Variants in ZBTB38 observed in about 807,000 individuals in gnomAD.
ZBTB38 encodes zinc finger and BTB domain containing 38, also known as zinc finger and BTB domain-containing protein 38.
ZBTB38 carries 20 observed loss-of-function variants against 76.8 expected under a neutral mutation model. The observed-to-expected ratio is 0.26, with a 90% confidence interval of 0.18 to 0.38. The LOEUF (loss-of-function observed/expected upper bound fraction) is 0.38, where lower values mean the gene tolerates loss of function less well. ZBTB38 is among the 10% of genes least tolerant of loss of function. The probability of loss-of-function intolerance (pLI) is 1.00; values close to 1 mark genes in which losing one functional copy is unlikely to be tolerated. For synonymous variants in ZBTB38, 504 were observed against 544.2 expected (o/e 0.93, Z 1.03); for missense variants, 1,082 against 1,482.3 (o/e 0.73, Z 4.43).
chr3:141,432,342 C>A, intron 5 of ZBTB38: 1 of 920,930 alleles, frequency 1.1e-6, no homozygotes, highest in Non-Finnish European at 1.3e-6. Context: ...GAGAAAGTTG[C>A]TCTGTCGATT....
At chr3:141,343,980 G>T (rs972297208) in intron 1 of ZBTB38, among the ~76,000 whole-genome samples, 2 of 152,126 alleles carry the variant, frequency 1.3e-5, no homozygotes, top group Admixed American at 1.3e-4. Flanking sequence ...GAATTTTGAG[G>T]GACTTGCATC....
At chr3:141,395,431 G>A (rs755081014) in intron 4 of ZBTB38, among the ~76,000 whole-genome samples, 1 of 152,086 alleles carries the variant, frequency 6.6e-6, no homozygotes, top group Non-Finnish European at 1.5e-5. Flanking sequence ...ATTTTGGTTT[G>A]GTCTCTTGGG....
chr3:141,418,458 C>T (rs1483474491), intron 5 of ZBTB38, among the ~76,000 whole-genome samples: 6 of 152,222 alleles, frequency 3.9e-5, no homozygotes, highest in African/African-American at 1.4e-4. Flanking sequence ...TTTAAGGCTG[C>T]TTCCTCCAGA....
At chr3:141,336,438 A>C (rs1943018406) in intron 1 of ZBTB38, among the ~76,000 whole-genome samples, 1 of 152,176 alleles carries the variant, frequency 6.6e-6, no homozygotes, top group Non-Finnish European at 1.5e-5. Flanking sequence ...TCAGTAGTTC[A>C]AACCAAAGAC....
intron 5 of ZBTB38, among the ~76,000 whole-genome samples, chr3:141,437,361 T>C (rs1402893343): frequency 6.6e-6 from 1 of 152,210 alleles, no homozygotes; most frequent in African/African-American, 2.4e-5. Context: ...TTACTCTCTG[T>C]TGAACTCCCA....
intron 3 of ZBTB38, among the ~76,000 whole-genome samples, chr3:141,381,701 G>A (rs1340029366): frequency 6.6e-6 from 1 of 152,198 alleles, no homozygotes; most frequent in African/African-American, 2.4e-5. Context: ...AGCCCCCTTT[G>A]AGAGCCATCT....
chr3:141,411,368 A>G (rs189690899), intron 5 of ZBTB38, among the ~76,000 whole-genome samples: 9 of 152,340 alleles, frequency 5.9e-5, no homozygotes, highest in Admixed American at 5.9e-4. Context: ...GTCTGGTCTT[A>G]TAGTCCCTGA....
chr3:141,419,740 A>G (rs943063531), intron 5 of ZBTB38, among the ~76,000 whole-genome samples: 1 of 152,294 alleles, frequency 6.6e-6, no homozygotes, highest in African/African-American at 2.4e-5. Flanking sequence ...TAATCCCAGC[A>G]CTTTGGGAGG....
At position 141,443,639 on chromosome 3, in the gene ZBTB38, A is replaced by G; in HGVS notation, c.1251A>G (p.Gln417=). The G allele has an allele frequency of 6.2e-7, 1 of 1,614,232 alleles. No homozygotes were observed. Among genetic ancestry groups the G allele is most frequent in the South Asian group, 1.1e-5 (1 of 91,092 alleles). The stretch of plus-strand genomic sequence containing the variant: ...TAGAAAACTATCCTACCATTGGACA[A>G]AATGGAGGTTCATTCACAGGTCCAG... The part of the protein sequence containing the change: ...RFLENYPTIG[Q]NGGSFTGPEP... Residue 417 remains glutamine (Q), a synonymous_variant, in exon 6 of 6, where the codon CAA becomes CAG. Transcript: ENST00000321464. This position sits in a 1 kb window ranked among gnomAD's most constrained non-coding sequence, Gnocchi z 5.6.
chr3:141,334,221 T>C (rs1187002113), intron 1 of ZBTB38, among the ~76,000 whole-genome samples: 1 of 12,060 alleles, frequency 8.3e-5, no homozygotes, highest in East Asian at 3.0e-3. Context: ...CTCAGGTATT[T>C]AAAAGAAAAA....
chr3:141,439,673 G>A (rs1043750025), intron 5 of ZBTB38, among the ~76,000 whole-genome samples: 1 of 152,222 alleles, frequency 6.6e-6, no homozygotes, highest in Non-Finnish European at 1.5e-5. Flanking sequence ...TCAGGATGCT[G>A]TGAAGCAGAA....
chr3:141,369,051 C>CTGA (rs958721210), intron 1 of ZBTB38, among the ~76,000 whole-genome samples: 2 of 148,682 alleles, frequency 1.3e-5, no homozygotes, highest in African/African-American at 5.0e-5. Context: ...AACAGCCCAA[C>CTGA]TGATGCCTTT....
At chr3:141,397,226 A>T (rs1950552946) in intron 4 of ZBTB38, among the ~76,000 whole-genome samples, 1 of 152,192 alleles carries the variant, frequency 6.6e-6, no homozygotes, top group Admixed American at 6.5e-5. Context: ...TATGTTATGG[A>T]GACAGCTTCT....
chr3:141,341,426 C>T lies in ZBTB38; in HGVS notation c.-739+16970C>T, dbSNP rs1441623017. 2.6e-5 allele frequency among the ~76,000 whole-genome samples: 4 copies of T among 152,108 alleles called. No homozygotes were observed. The East Asian group carries it at 5.8e-4, about 22-fold the overall frequency. On this transcript the variant is annotated intron_variant, in intron 1 of 7. Coordinates refer to the ZBTB38 transcript ENST00000509842. The stretch of plus-strand genomic sequence containing the variant: ...AATAGCCAAAAAAGTAGAAATAAAC[C>T]GAACGTCCATCAACTGATAAATGGG...
chr3:141,330,485 C>T (rs1350968171), intron 1 of ZBTB38, among the ~76,000 whole-genome samples: 1 of 152,190 alleles, frequency 6.6e-6, no homozygotes, highest in Non-Finnish European at 1.5e-5. Flanking sequence ...CTCAGCCACC[C>T]TGTGGAGTTG....
Position 141,442,467 on chromosome 3 carries a change from C to T in ZBTB38, c.79C>T (p.Arg27Cys), listed in dbSNP as rs1409563531. 6.2e-7 allele frequency: 1 copy of T among 1,614,160 alleles called. No homozygotes were observed. Among genetic ancestry groups the T allele is most frequent in the Non-Finnish European group, 8.5e-7 (1 of 1,180,026 alleles). Residue 27 changes from arginine (R) to cysteine (C), a missense_variant, in exon 6 of 6, where the codon CGC becomes TGC. Around this residue, in one of 8 missense-constraint regions of ZBTB38, gnomAD observed 68 missense variants for 153.0 expected, o/e 0.44. Transcript: ENST00000321464. The surrounding 1 kb of genome is among the most constrained non-coding windows in gnomAD (Gnocchi z 6.4). ...GGTACTCTCCATCTTAAATGAGCAG[C>T]GCATTCGGGGCATTTTATGCGATGT... ...DTVLSILNEQ[R>C]IRGILCDVTI...
At chr3:141,425,279 T>C (rs963921800) in intron 5 of ZBTB38, among the ~76,000 whole-genome samples, 1 of 152,212 alleles carries the variant, frequency 6.6e-6, no homozygotes, top group Admixed American at 6.5e-5. Flanking sequence ...CTCCCCACCA[T>C]TCCTTTTCTA....
intron 2 of ZBTB38, among the ~76,000 whole-genome samples, chr3:141,374,389 T>C (rs910776718): frequency 8.5e-5 from 13 of 152,144 alleles, no homozygotes; most frequent in African/African-American, 3.1e-4. Flanking sequence ...GAGTCATCTC[T>C]CTGCCAAAAG....
Position 141,443,371 on chromosome 3 carries a change from A to G in ZBTB38, c.983A>G (p.Asp328Gly). The G allele has an allele frequency of 1.9e-6, 3 of 1,614,180 alleles. No homozygotes were observed. The highest frequency in any genetic ancestry group is 2.5e-6 in the Non-Finnish European group (3 of 1,180,038). ...AGGGAAGATGAAAATCAATCTTCTGATGTTCCCGGGCCGCCAGCCGCAGAG... is the reference window on the plus strand; with the variant it reads ...AGGGAAGATGAAAATCAATCTTCTGGTGTTCCCGGGCCGCCAGCCGCAGAG... Reference protein sequence around the residue: ...FSREDENQSSDVPGPPAAEVP... With the variant: ...FSREDENQSSGVPGPPAAEVP... The change falls in exon 6 of 6, where the codon GAT (aspartate) becomes GGT (glycine). Residue 328 changes from aspartate (D) to glycine (G), a missense_variant. Physicochemically the swap from Asp to Gly is moderately conservative, Grantham distance 94. Coordinates refer to ENST00000321464, the MANE Select transcript of ZBTB38 (RefSeq NM_001376113.1). The surrounding 1 kb of genome is among the most constrained non-coding windows in gnomAD (Gnocchi z 5.6).
Sources: allele counts gnomAD v4.1 joint callset (sites outside exome capture counted in the v4.1 genomes callset), GRCh38; gene constraint gnomAD v4.1.1; regional missense constraint gnomAD v4.1.1; non-coding constraint Gnocchi (gnomAD v3.1); transcripts MANE v1.5; gene names NCBI Gene and HGNC (gene_info 2026-07-23, HGNC 2026-07-21).